The following ENTREP2 variants were observed in gnomAD, a reference collection of about 807,000 sequenced individuals.
ENTREP2 encodes the protein endosomal transmembrane epsin interactor 2.
At chr15:29,562,243 C>A in the ENTREP2 span, among the ~76,000 whole-genome samples, 3 of 152,214 alleles carry the variant, frequency 2.0e-5, no homozygotes, top group African/African-American at 7.2e-5. Context: ...GAAAAAGAAA[C>A]ACTACTTGGT....
chr15:29,228,506 G>C, the ENTREP2 span, among the ~76,000 whole-genome samples: 1 of 152,108 alleles, frequency 6.6e-6, no homozygotes, highest in Non-Finnish European at 1.5e-5. Context: ...TGATGAAAAA[G>C]TTCTGGAAAT....
the ENTREP2 span, among the ~76,000 whole-genome samples, chr15:29,370,471 A>C: frequency 2.0e-5 from 3 of 152,182 alleles, no homozygotes; most frequent in African/African-American, 7.2e-5. Flanking sequence ...AGTAGCAAAG[A>C]ATTAGCAAAG....
chr15:29,235,105 C>A, the ENTREP2 span: 2 of 1,065,704 alleles, frequency 1.9e-6, no homozygotes, highest in Non-Finnish European at 2.9e-6. Context: ...TCATGTCCCA[C>A]AACAGATGTG....
the ENTREP2 span, among the ~76,000 whole-genome samples, chr15:29,199,966 G>GA: frequency 6.6e-6 from 1 of 152,174 alleles, no homozygotes; most frequent in Admixed American, 6.5e-5. Flanking sequence ...AACATTTGTT[G>GA]AAAAATCTAT....
the ENTREP2 span, among the ~76,000 whole-genome samples, chr15:29,155,381 G>T: frequency 5.7e-3 from 862 of 152,154 alleles, 7 homozygotes; most frequent in African/African-American, 0.02. Context: ...AGGCCTATCC[G>T]AGTCCCTGAA....
the ENTREP2 span, among the ~76,000 whole-genome samples, chr15:29,663,579 T>C: frequency 1.8e-3 from 276 of 152,280 alleles, no homozygotes; most frequent in East Asian, 0.02. Flanking sequence ...TGGATGAAGC[T>C]GGAAACCATC....
At chr15:29,412,279 T>A in the ENTREP2 span, among the ~76,000 whole-genome samples, 1 of 152,214 alleles carries the variant, frequency 6.6e-6, no homozygotes, top group Non-Finnish European at 1.5e-5. Flanking sequence ...TTTCTGCATA[T>A]TCAAATTACA....
At chr15:29,269,491 T>C in the ENTREP2 span, 6 of 1,609,054 alleles carry the variant, frequency 3.7e-6, no homozygotes, top group Non-Finnish European at 5.1e-6. Context: ...GGGGGCGGCC[T>C]GGGCCCGGCG....
At chr15:29,619,842 C>T in the ENTREP2 span, among the ~76,000 whole-genome samples, 1 of 152,016 alleles carries the variant, frequency 6.6e-6, no homozygotes, top group Non-Finnish European at 1.5e-5. Context: ...GTCTCTGCCT[C>T]AGGTGGCTTT....
chr15:29,366,986 G>T, the ENTREP2 span, among the ~76,000 whole-genome samples: 2 of 152,078 alleles, frequency 1.3e-5, no homozygotes, highest in Non-Finnish European at 2.9e-5. Context: ...GGAGAGAGAT[G>T]ACATCAGAAA....
At chr15:29,161,774 TTAAG>T in the ENTREP2 span, among the ~76,000 whole-genome samples, 1 of 152,074 alleles carries the variant, frequency 6.6e-6, no homozygotes, top group African/African-American at 2.4e-5. Context: ...ACCTTCACCT[TTAAG>T]TAAAGTAATG....
At chr15:29,138,035 G>C in the ENTREP2 span, among the ~76,000 whole-genome samples, 1 of 152,006 alleles carries the variant, frequency 6.6e-6, no homozygotes, top group Admixed American at 6.6e-5. Flanking sequence ...GGGCTGTGCT[G>C]AAGTACTTAT....
chr15:29,595,740 G>A, the ENTREP2 span, among the ~76,000 whole-genome samples: 1 of 152,028 alleles, frequency 6.6e-6, no homozygotes, highest in Non-Finnish European at 1.5e-5. Context: ...ACCTACTGAA[G>A]GACATTTTGG....
At chr15:29,196,313 C>A in the ENTREP2 span, 1 of 1,161,820 alleles carries the variant, frequency 8.6e-7, no homozygotes, top group Non-Finnish European at 1.2e-6. Flanking sequence ...CCCTCTTGCA[C>A]TGAACCTACC....
At chr15:29,431,652 A>G in the ENTREP2 span, among the ~76,000 whole-genome samples, 1 of 152,184 alleles carries the variant, frequency 6.6e-6, no homozygotes, top group Non-Finnish European at 1.5e-5. Flanking sequence ...TCTGTTCATA[A>G]TATGATTTTA....
chr15:29,596,814 G>T, the ENTREP2 span, among the ~76,000 whole-genome samples: 1 of 151,818 alleles, frequency 6.6e-6, no homozygotes, highest in African/African-American at 2.4e-5. Flanking sequence ...GATTACAGGC[G>T]CCCGCTGCCA....
At chr15:29,475,573 A>C in the ENTREP2 span, among the ~76,000 whole-genome samples, 1 of 151,994 alleles carries the variant, frequency 6.6e-6, no homozygotes, top group Admixed American at 6.6e-5. Flanking sequence ...AGGGAGGAGG[A>C]GTAGGGGGCG....
chr15:29,395,765 T>C, the ENTREP2 span, among the ~76,000 whole-genome samples: 124,709 of 151,590 alleles, frequency 0.82, 51,392 homozygotes, highest in African/African-American at 0.86. Flanking sequence ...AACTCTTGGG[T>C]GCCAACGATC....
chr15:29,137,199 A>G, the ENTREP2 span: 1 of 1,473,412 alleles, frequency 6.8e-7, no homozygotes, highest in Non-Finnish European at 8.9e-7. Flanking sequence ...AAGGAACTGG[A>G]AAACAGAGAC....
Sources: gnomAD v4.1 joint callset for allele counts (sites outside exome capture counted in the v4.1 genomes callset) on GRCh38, gnomAD v4.1.1 for gene constraint, MANE v1.5 for transcripts, NCBI Gene and HGNC (gene_info 2026-07-23, HGNC 2026-07-21) for gene names.